Variants in HTRA1 observed in about 807,000 individuals in gnomAD.
HTRA1 encodes the protein serine protease HTRA1.
Under a neutral mutation model 49.7 loss-of-function variants are expected in HTRA1, and 26 were observed. The observed-to-expected ratio is 0.52, with a 90% confidence interval of 0.38 to 0.73. The LOEUF (loss-of-function observed/expected upper bound fraction) is 0.73. Among genes scored for constraint, HTRA1 ranks in the 30% least tolerant of loss-of-function variants. HTRA1 has a pLI of 0.00. For missense variants in HTRA1, 561 were observed against 667.2 expected (o/e 0.84, Z 1.75); for synonymous variants, 291 against 286.9 (o/e 1.01, Z -0.14).
In HTRA1 at chr10:122,514,572, T is replaced by G; in HGVS notation, c.*213T>G. 1 of 583,078 alleles carries G rather than the reference T, an allele frequency of 1.7e-6. No individual in the cohort carries two copies. The allele number at this position is 583,078 out of a possible 1,614,324, so 36.1% of individuals were successfully genotyped here. A position where few individuals can be genotyped will look rare whatever the true frequency, so the allele number is the denominator to read the frequency against. On this transcript the variant is annotated 3_prime_UTR_variant, in exon 9 of 9. Coordinates refer to ENST00000368984, the MANE Select transcript of HTRA1 (RefSeq NM_002775.5). ...TCCGCAGGCAGAAGCTCTGCCCTTCTGTATCCTATGTATGCAGTGTGCTTT... is the reference window on the plus strand; with the variant it reads ...TCCGCAGGCAGAAGCTCTGCCCTTCGGTATCCTATGTATGCAGTGTGCTTT...
At chr10:122,482,411 G>A (rs1225025753) in intron 1 of HTRA1, among the ~76,000 whole-genome samples, 1 of 152,114 alleles carries the variant, frequency 6.6e-6, no homozygotes, top group Non-Finnish European at 1.5e-5. Flanking sequence ...AGTTTACAAG[G>A]TGTCTAACAG....
chr10:122,485,733 C>T (rs1399228449), intron 1 of HTRA1, among the ~76,000 whole-genome samples: 3 of 152,160 alleles, frequency 2.0e-5, no homozygotes, highest in Non-Finnish European at 4.4e-5. Context: ...TTCATTTTTG[C>T]CCCTGGTGTG....
intron 1 of HTRA1, among the ~76,000 whole-genome samples, chr10:122,465,515 G>A (rs185636894): frequency 6.2e-4 from 94 of 152,254 alleles, no homozygotes; most frequent in East Asian, 1.9e-3. Flanking sequence ...GGAGAGCCTC[G>A]TTCATAACCA....
At chr10:122,466,361 G>A (rs942704355) in intron 1 of HTRA1, among the ~76,000 whole-genome samples, 1 of 152,100 alleles carries the variant, frequency 6.6e-6, no homozygotes, top group Admixed American at 6.5e-5. Flanking sequence ...TAGAGACGGG[G>A]TTTCACCGTG....
At chr10:122,466,762 T>A (rs771767399) in intron 1 of HTRA1, among the ~76,000 whole-genome samples, 13 of 152,294 alleles carry the variant, frequency 8.5e-5, no homozygotes, top group Non-Finnish European at 1.8e-4. Context: ...CTGAGCTTCA[T>A]CTTAGGGCAG....
In HTRA1 at chr10:122,506,892, C is replaced by T. The variant is rs369497300; in HGVS notation, c.972+7C>T. ...GACCGACGCCATCATCAACGTGAGC[C>T]TCTGTCCCTCTGCGGGTGGGGATTG... On this transcript the variant is annotated splice_region_variant and intron_variant, in intron 4 of 8. Transcript: ENST00000368984. The surrounding 1 kb of genome is among the most constrained non-coding windows in gnomAD (Gnocchi z 5.2). 44 of 1,612,452 alleles carry T rather than the reference C, an allele frequency of 2.7e-5. No individual in the cohort carries two copies. The highest frequency in any genetic ancestry group is 3.3e-5 in the Admixed American group (2 of 59,996).
At position 122,514,304 on chromosome 10, in the gene HTRA1, G is replaced by A. The variant is rs781055637; in HGVS notation, c.1388G>A (p.Arg463His). Residue 463 changes from arginine (R) to histidine (H), a missense_variant, in exon 9 of 9, where the codon CGC (arginine) becomes CAC (histidine). Coordinates refer to ENST00000368984, the MANE Select transcript of HTRA1 (RefSeq NM_002775.5). ...KRESTLNMVVRRGNEDIMITV... is the reference protein window; with the variant it reads ...KRESTLNMVVHRGNEDIMITV... ...GAAAGCACCCTGAACATGGTGGTCC[G>A]CAGGGGTAATGAAGATATCATGATC... The A allele has an allele frequency of 6.8e-6, 11 of 1,614,090 alleles. No individual in the cohort carries two copies. The highest frequency in any genetic ancestry group is 4.4e-5 in the South Asian group (4 of 91,068).
chr10:122,513,135 C>T (rs932579788), intron 8 of HTRA1, among the ~76,000 whole-genome samples: 2 of 152,100 alleles, frequency 1.3e-5, no homozygotes, highest in Non-Finnish European at 2.9e-5. Context: ...TCCTATGGAG[C>T]CCTTTACAGA....
chr10:122,500,949 C>T (rs1484288895), intron 3 of HTRA1, among the ~76,000 whole-genome samples: 1 of 152,212 alleles, frequency 6.6e-6, no homozygotes, highest in Non-Finnish European at 1.5e-5. Context: ...TCCCCTGTCC[C>T]TGTGGAGTGA....
At chr10:122,492,801 C>T (rs1048709913) in intron 3 of HTRA1, among the ~76,000 whole-genome samples, 1 of 152,034 alleles carries the variant, frequency 6.6e-6, no homozygotes, top group Non-Finnish European at 1.5e-5. Flanking sequence ...GGTGTCCTAC[C>T]CTCTGTGGCC....
At chr10:122,484,437 C>T (rs2097492272) in intron 1 of HTRA1, among the ~76,000 whole-genome samples, 2 of 152,170 alleles carry the variant, frequency 1.3e-5, no homozygotes, top group Admixed American at 6.5e-5. Flanking sequence ...ATCATACCTT[C>T]GCAGTGACAT....
chr10:122,506,543 G>A lies in HTRA1; in HGVS notation c.778-148G>A. On this transcript the variant is annotated intron_variant, in intron 3 of 8. Transcript: ENST00000368984. This position sits in a 1 kb window ranked among gnomAD's most constrained non-coding sequence, Gnocchi z 5.2. ...AAATCCAGTCCTGCCCGCAGCAAAG[G>A]GATGTTAGTTGTGAGCTCAGTTCCC... 1.4e-6 allele frequency: 1 copy of A among 716,036 alleles called. No individual in the cohort carries two copies. The highest frequency in any genetic ancestry group is 2.5e-6 in the Non-Finnish European group (1 of 403,310). 44.4% of individuals were successfully genotyped at this position (716,036 alleles called of 1,614,324 possible). A position where few individuals can be genotyped will look rare whatever the true frequency, so the allele number is the denominator to read the frequency against.
intron 8 of HTRA1, 22 bp from the exon 9 acceptor site, chr10:122,514,169 T>A: frequency 6.2e-7 from 1 of 1,611,518 alleles, no homozygotes; most frequent in Non-Finnish European, 8.5e-7. Context: ...ACATTGCCAT[T>A]GTGTTTCCCT....
chr10:122,492,903 G>A (rs2097496618), intron 3 of HTRA1, among the ~76,000 whole-genome samples: 1 of 152,116 alleles, frequency 6.6e-6, no homozygotes, highest in Non-Finnish European at 1.5e-5. Flanking sequence ...GACTAACATG[G>A]TGAAGCTGCT....
At chr10:122,474,328 G>A (rs556737938) in intron 1 of HTRA1, among the ~76,000 whole-genome samples, 2 of 152,254 alleles carry the variant, frequency 1.3e-5, no homozygotes, top group East Asian at 3.9e-4. Flanking sequence ...GCTTCCTTCT[G>A]GCGTCTGTCT....
In HTRA1 at chr10:122,465,653, T is replaced by C. The variant is rs539949492; in HGVS notation, c.472+3529T>C. ...AGATGGAACAGGACAGATCACAGCCTTCACTCTGCAGGCTCAGGAGCCTGA... is the reference window on the plus strand; with the variant it reads ...AGATGGAACAGGACAGATCACAGCCCTCACTCTGCAGGCTCAGGAGCCTGA... On this transcript the variant is annotated intron_variant, in intron 1 of 8. Transcript: ENST00000368984. Among the ~76,000 whole-genome samples the C allele has an allele frequency of 2.0e-5, 3 of 152,284 alleles. No homozygotes were observed. In the South Asian group the frequency reaches 6.2e-4, roughly 32 times the overall value.
intron 6 of HTRA1, among the ~76,000 whole-genome samples, 188 bp from the exon 7 acceptor site, chr10:122,509,908 T>C (rs558993221): frequency 6.6e-6 from 1 of 152,240 alleles, no homozygotes; most frequent in South Asian, 2.1e-4. Context: ...TGACCATTAA[T>C]TGAAACAATG....
Position 122,490,097 on chromosome 10 carries a change from C to T in HTRA1, c.777+471C>T, listed in dbSNP as rs535281309. 5.3e-5 allele frequency among the ~76,000 whole-genome samples: 8 copies of T among 152,046 alleles called. No homozygotes were observed. The highest frequency in any genetic ancestry group is 4.8e-5 in the African/African-American group (2 of 41,392). On this transcript the variant is annotated intron_variant, in intron 3 of 8. Coordinates refer to ENST00000368984, the MANE Select transcript of HTRA1 (RefSeq NM_002775.5). The surrounding 1 kb of genome is among the most constrained non-coding windows in gnomAD (Gnocchi z 4.2). ...CCAGCTCTCCCAAATTGGGGTTTTGCGGGGTTATGAGATGTGTTTCAAAAG... is the reference window on the plus strand; with the variant it reads ...CCAGCTCTCCCAAATTGGGGTTTTGTGGGGTTATGAGATGTGTTTCAAAAG...
intron 4 of HTRA1, 38 bp from the exon 5 acceptor site, chr10:122,507,332 A>G (rs201591707): frequency 9.8e-5 from 156 of 1,587,540 alleles, no homozygotes; most frequent in Non-Finnish European, 1.2e-4. Context: ...CCATGTTATG[A>G]CACGATTTGT....
Sources: gnomAD v4.1 joint callset for allele counts (sites outside exome capture counted in the v4.1 genomes callset) on GRCh38, gnomAD v4.1.1 for gene constraint, Gnocchi (gnomAD v3.1) non-coding constraint, MANE v1.5 for transcripts, NCBI Gene and HGNC (gene_info 2026-07-23, HGNC 2026-07-21) for gene names.